ZNF565: variants seen among roughly 807,000 people sequenced by gnomAD.
ZNF565 encodes the protein zinc finger protein 565.
In ZNF565, 27 loss-of-function variants were observed where a neutral mutation model predicts 39.4. The observed-to-expected ratio is 0.69, with a 90% confidence interval of 0.51 to 0.95. The LOEUF is 0.95. Ranked by LOEUF, ZNF565 falls within the 40% of genes least tolerant of loss-of-function variation. The pLI is 0.00. For missense variants in ZNF565, 524 were observed against 621.1 expected (o/e 0.84, Z 1.66); for synonymous variants, 185 against 216.6 (o/e 0.85, Z 1.28).
chr19:36,221,073 G>A (rs1202052707), intron 1 of ZNF565, among the ~76,000 whole-genome samples: 1 of 151,122 alleles, frequency 6.6e-6, no homozygotes, highest in Admixed American at 6.6e-5. Context: ...GGCTGGTCTC[G>A]AACTCCTGAC....
chr19:36,214,075 TAC>T (rs954867226), intron 1 of ZNF565, among the ~76,000 whole-genome samples: 1 of 151,680 alleles, frequency 6.6e-6, no homozygotes, highest in African/African-American at 2.4e-5. Context: ...ACTGTGGACA[TAC>T]ACACAGTCAC....
At position 36,195,212 on chromosome 19, in the gene ZNF565, T is replaced by C. The variant is rs1479757836; in HGVS notation, c.10-56A>G. ...ATTAAGAAACTTTTTTCATTTATTA[T>C]GAAAATTTTCAAGATGCACAAAAGT... On this transcript the variant is annotated intron_variant, in intron 2 of 4. Transcript: ENST00000304116. 18 of 1,568,510 alleles carry C rather than the reference T, an allele frequency of 1.1e-5. No homozygotes were observed. The East Asian group carries it at 3.6e-4, about 31-fold the overall frequency.
At chr19:36,243,661 G>A (rs1434093167) in intron 1 of ZNF565, among the ~76,000 whole-genome samples, 1 of 151,968 alleles carries the variant, frequency 6.6e-6, no homozygotes. Flanking sequence ...TCCAGCCAGA[G>A]GAGTCCAAAA....
intron 1 of ZNF565, chr19:36,236,298 A>G: frequency 1.0e-6 from 1 of 966,586 alleles, no homozygotes; most frequent in Non-Finnish European, 1.5e-6. Context: ...CTTATCCCTT[A>G]CTCTGCATTT....
upstream of ZNF565, among the ~76,000 whole-genome samples, chr19:36,215,658 A>C (rs1292828234): frequency 6.6e-6 from 1 of 151,658 alleles, no homozygotes; most frequent in Non-Finnish European, 1.5e-5. Flanking sequence ...AATCACCGTG[A>C]CTTTTTTTTT....
intron 1 of ZNF565, among the ~76,000 whole-genome samples, chr19:36,212,243 A>G (rs2145367728): frequency 6.6e-6 from 1 of 152,296 alleles, no homozygotes; most frequent in South Asian, 2.1e-4. Context: ...TCTACAAAAC[A>G]AATGGCCAAC....
chr19:36,195,631 G>A (rs113080847), intron 2 of ZNF565, among the ~76,000 whole-genome samples: 72 of 138,880 alleles, frequency 5.2e-4, no homozygotes, highest in African/African-American at 1.9e-3. Context: ...CACAACCTCC[G>A]CCTCCTGGGT....
chr19:36,202,068 G>C lies in ZNF565; in HGVS notation c.-65-18C>G. 1 of 1,420,934 alleles carries C rather than the reference G, an allele frequency of 7.0e-7. No individual in the cohort carries two copies. Among genetic ancestry groups the C allele is most frequent in the South Asian group, 1.1e-5 (1 of 87,240 alleles). The allele number at this position is 1,420,934 out of a possible 1,614,324, so 88.0% of individuals were successfully genotyped here. On this transcript the variant is annotated intron_variant, in intron 1 of 4. Transcript: ENST00000304116. ...GCAGAGTCCTGAAAAAGCAAAATGG[G>C]GGGAGATGGGGTAACCTCTGATAAA...
At chr19:36,218,510 G>C (rs184355432), upstream of ZNF565, among the ~76,000 whole-genome samples, 502 of 151,838 alleles carry the variant, frequency 3.3e-3, no homozygotes, top group African/African-American at 0.012. Flanking sequence ...CTGTCGCCCA[G>C]GCTGCAGTGC....
At chr19:36,194,782 G>A in intron 3 of ZNF565, 2 of 599,198 alleles carry the variant, frequency 3.3e-6, no homozygotes, top group Non-Finnish European at 3.0e-6. Flanking sequence ...ATCAGCTGGA[G>A]ATCAGTGGAC....
At chr19:36,206,088 A>G (rs2145354678) in intron 1 of ZNF565, among the ~76,000 whole-genome samples, 1 of 152,070 alleles carries the variant, frequency 6.6e-6, no homozygotes, top group East Asian at 1.9e-4. Context: ...CAGCCTCCCA[A>G]GTAGCTGGAA....
At chr19:36,222,737 T>C (rs1599964074) in intron 1 of ZNF565, among the ~76,000 whole-genome samples, 2 of 151,150 alleles carry the variant, frequency 1.3e-5, no homozygotes, top group African/African-American at 4.8e-5. Context: ...AGGAGCTGTT[T>C]ATAAATTAGA....
intron 1 of ZNF565, among the ~76,000 whole-genome samples, chr19:36,242,710 G>A (rs1414057190): frequency 4.6e-5 from 7 of 152,184 alleles, no homozygotes; most frequent in Non-Finnish European, 2.9e-5. Context: ...GGGTGATAGA[G>A]CAAGACTCTG....
chr19:36,204,365 G>T (rs989966416), intron 1 of ZNF565, among the ~76,000 whole-genome samples: 1 of 152,218 alleles, frequency 6.6e-6, no homozygotes, highest in Non-Finnish European at 1.5e-5. Flanking sequence ...AAGGGACAGA[G>T]AATATTGTGA....
intron 4 of ZNF565, among the ~76,000 whole-genome samples, chr19:36,191,330 T>TTTC (rs895828328): frequency 6.7e-5 from 10 of 150,304 alleles, no homozygotes; most frequent in African/African-American, 2.2e-4. Context: ...TTTTTTTTTT[T>TTTC]TTCCCGAGAT....
At chr19:36,200,030 ATT>A (rs556993580) in intron 2 of ZNF565, among the ~76,000 whole-genome samples, 1 of 144,914 alleles carries the variant, frequency 6.9e-6, no homozygotes, top group African/African-American at 2.5e-5. Flanking sequence ...AAGAAATATA[ATT>A]TTTTTTTTTT....
At chr19:36,232,218 A>G (rs900391446) in intron 1 of ZNF565, among the ~76,000 whole-genome samples, 43 of 152,054 alleles carry the variant, frequency 2.8e-4, no homozygotes, top group African/African-American at 1.0e-3. Flanking sequence ...AAAAACATAC[A>G]AATTATGTGA....
chr19:36,196,183 G>GC (rs1280040054), intron 2 of ZNF565, among the ~76,000 whole-genome samples: 2 of 152,092 alleles, frequency 1.3e-5, no homozygotes, highest in Non-Finnish European at 2.9e-5. Flanking sequence ...GCCCGCCTTG[G>GC]CCTCCCAAAG....
chr19:36,218,103 T>C (rs1395377871), upstream of ZNF565: 2 of 114,146 alleles, frequency 1.8e-5, no homozygotes, highest in African/African-American at 3.3e-5. Context: ...ATTTTTTTTT[T>C]TTTTTTTTTA....
Sources: allele counts gnomAD v4.1 joint callset (sites outside exome capture counted in the v4.1 genomes callset), GRCh38; gene constraint gnomAD v4.1.1; transcripts MANE v1.5; gene names NCBI Gene and HGNC (gene_info 2026-07-23, HGNC 2026-07-21).